Variants in CNGB3 observed in about 807,000 individuals in gnomAD.
The protein encoded by CNGB3 is cyclic nucleotide gated channel subunit beta 3.
CNGB3 carries 86 observed loss-of-function variants against 92.8 expected under a neutral mutation model. That is an observed-to-expected ratio of 0.93 (90% CI 0.78 to 1.11). The LOEUF is 1.11. Among genes scored for constraint, CNGB3 ranks in the 50% least tolerant of loss-of-function variants. CNGB3 has a pLI of 0.00. For synonymous variants in CNGB3, 333 were observed against 332.7 expected (o/e 1.00, Z -0.01); for missense variants, 1,026 against 956.8 (o/e 1.07, Z -0.95).
intron 15 of CNGB3, among the ~76,000 whole-genome samples, chr8:86,591,956 G>T (rs1822051224): frequency 2.0e-5 from 3 of 152,240 alleles, no homozygotes; most frequent in Admixed American, 1.3e-4. Context: ...CCACCTTGCA[G>T]TTTGATCTCA....
chr8:86,644,713 A>G, intron 8 of CNGB3, 27 bp from the exon 9 acceptor site: 5 of 1,433,114 alleles, frequency 3.5e-6, no homozygotes, highest in Non-Finnish European at 4.7e-6. Context: ...AAGAAATCCA[A>G]AAGCATGTTA....
At chr8:86,596,811 T>G (rs897736400) in intron 15 of CNGB3, among the ~76,000 whole-genome samples, 2 of 151,958 alleles carry the variant, frequency 1.3e-5, no homozygotes, top group African/African-American at 4.8e-5. Context: ...AAAAAGAAAA[T>G]GTGGCACATA....
At chr8:86,719,737 C>A (rs1824930069) in intron 3 of CNGB3, among the ~76,000 whole-genome samples, 1 of 152,278 alleles carries the variant, frequency 6.6e-6, no homozygotes. Flanking sequence ...CATTACCCAA[C>A]TTCAAGCTAT....
rs769794182 is a variant in CNGB3, at chr8:86,600,663, G to A, written c.1781+3430C>T. ...CTCGCCCTGTCACCCAGGCTGGAGCGCAGTGGCGCGATCTCGGCTCACTGC... is the reference window on the plus strand; with the variant it reads ...CTCGCCCTGTCACCCAGGCTGGAGCACAGTGGCGCGATCTCGGCTCACTGC... On this transcript the variant is annotated intron_variant, in intron 15 of 17. Transcript: ENST00000320005. Among the ~76,000 whole-genome samples, 11 of 149,226 alleles carry A rather than the reference G, an allele frequency of 7.4e-5. No individual in the cohort carries two copies. The East Asian group carries it at 7.9e-4, about 11-fold the overall frequency.
chr8:86,580,192 G>GC (rs35544814), intron 15 of CNGB3, among the ~76,000 whole-genome samples: 1 of 143,782 alleles, frequency 7.0e-6, no homozygotes, highest in Non-Finnish European at 1.5e-5. Context: ...GAATAGCACG[G>GC]GGGGGGTGGC....
intron 13 of CNGB3, among the ~76,000 whole-genome samples, chr8:86,624,976 C>T (rs1585976754): frequency 6.6e-6 from 1 of 152,286 alleles, no homozygotes; most frequent in South Asian, 2.1e-4. Context: ...CCACACCTGC[C>T]TTGGTCCTGC....
At chr8:86,698,282 A>G (rs1193783507) in intron 3 of CNGB3, among the ~76,000 whole-genome samples, 1 of 152,236 alleles carries the variant, frequency 6.6e-6, no homozygotes, top group Non-Finnish European at 1.5e-5. Context: ...AAAACCAAAT[A>G]TAAGTATCAT....
chr8:86,698,011 C>T (rs315967), intron 3 of CNGB3, among the ~76,000 whole-genome samples: 135,716 of 152,204 alleles, frequency 0.89, 60,803 homozygotes, highest in East Asian at 1. Flanking sequence ...ATGGTGTATA[C>T]GTGCCACGTT....
intron 14 of CNGB3, among the ~76,000 whole-genome samples, chr8:86,608,849 C>G (rs1293258480): frequency 6.6e-6 from 1 of 152,204 alleles, no homozygotes; most frequent in African/African-American, 2.4e-5. Context: ...GCCCCTTTTG[C>G]TTTGTATCCA....
At chr8:86,635,821 G>GAGATATATATAT (rs1491093275) in intron 10 of CNGB3, among the ~76,000 whole-genome samples, 2 of 60,594 alleles carry the variant, frequency 3.3e-5, no homozygotes, top group Non-Finnish European at 5.9e-5. Context: ...TATAACACAT[G>GAGATATATATAT]ATATATATAT....
At chr8:86,608,939 G>C (rs976464865) in intron 14 of CNGB3, among the ~76,000 whole-genome samples, 1 of 152,166 alleles carries the variant, frequency 6.6e-6, no homozygotes, top group South Asian at 2.1e-4. Flanking sequence ...GGGCCCAGCT[G>C]TCTTTTCTTC....
At chr8:86,731,800 A>T (rs765471665) in intron 2 of CNGB3, among the ~76,000 whole-genome samples, 8 of 152,206 alleles carry the variant, frequency 5.3e-5, no homozygotes, top group Non-Finnish European at 1.0e-4. Flanking sequence ...AGAAAAATGC[A>T]ATATAAACAC....
At chr8:86,704,456 A>G (rs1395265379) in intron 3 of CNGB3, 2 of 152,222 alleles carry the variant, frequency 1.3e-5, no homozygotes, top group Admixed American at 1.3e-4. Context: ...AAAATTCATT[A>G]GACTGTATTT....
chr8:86,731,708 C>A (rs1022912271), intron 2 of CNGB3, among the ~76,000 whole-genome samples: 6 of 152,094 alleles, frequency 3.9e-5, no homozygotes, highest in Non-Finnish European at 2.9e-5. Context: ...AGTCTCTTTT[C>A]TGTAACAGTT....
At chr8:86,676,101 C>T (rs6997641) in intron 3 of CNGB3, among the ~76,000 whole-genome samples, 132,815 of 152,218 alleles carry the variant, frequency 0.87, 58,059 homozygotes, top group East Asian at 1. Flanking sequence ...ATTTATAAGA[C>T]GTGGATCTTG....
intron 6 of CNGB3, among the ~76,000 whole-genome samples, chr8:86,664,676 A>G (rs186086938): frequency 6.6e-6 from 1 of 152,328 alleles, no homozygotes; most frequent in Non-Finnish European, 1.5e-5. Flanking sequence ...TAAGAATGCT[A>G]ATTTCTTAGG....
intron 7 of CNGB3, among the ~76,000 whole-genome samples, chr8:86,653,778 A>T (rs568370554): frequency 2.0e-5 from 3 of 152,278 alleles, no homozygotes; most frequent in Middle Eastern, 6.8e-3. Flanking sequence ...TTAGAATTCA[A>T]ATCTGGGCAC....
chr8:86,643,326 A>G (rs913727178), intron 10 of CNGB3, among the ~76,000 whole-genome samples: 2 of 151,394 alleles, frequency 1.3e-5, no homozygotes, highest in Admixed American at 6.6e-5. Context: ...CTCGAGTACA[A>G]TACATGTTTT....
At chr8:86,684,656 CAAAAA>C (rs34942527) in intron 3 of CNGB3, among the ~76,000 whole-genome samples, 1 of 122,582 alleles carries the variant, frequency 8.2e-6, no homozygotes, top group African/African-American at 2.9e-5. Context: ...ATACTTAAGC[CAAAAA>C]AAAAAAAAAA....
Sources: allele counts gnomAD v4.1 joint callset (sites outside exome capture counted in the v4.1 genomes callset), GRCh38; gene constraint gnomAD v4.1.1; transcripts MANE v1.5; gene names NCBI Gene and HGNC (gene_info 2026-07-23, HGNC 2026-07-21).